The following APPBP2 variants were observed in gnomAD, a reference collection of about 807,000 sequenced individuals.
The protein encoded by APPBP2 is amyloid beta precursor protein binding protein 2, also known as amyloid protein-binding protein 2.
A neutral mutation model predicts 76.0 loss-of-function variants in APPBP2; 15 were observed. The observed-to-expected ratio is 0.20, with a 90% CI of 0.13 to 0.30. APPBP2 has a LOEUF of 0.30. Among genes scored for constraint, APPBP2 ranks in the 10% least tolerant of loss-of-function variants. The probability of loss-of-function intolerance (pLI) is 1.00; values close to 1 mark genes in which losing one functional copy is unlikely to be tolerated. For missense variants in APPBP2, 401 were observed against 687.2 expected (o/e 0.58, Z 4.66); for synonymous variants, 222 against 242.2 (o/e 0.92, Z 0.77).
chr17:60,455,038 A>G (rs764152712), intron 10 of APPBP2, among the ~76,000 whole-genome samples: 1 of 152,228 alleles, frequency 6.6e-6, no homozygotes, highest in South Asian at 2.1e-4. Flanking sequence ...ATATTATTTT[A>G]CCAGATAATT....
At chr17:60,461,701 C>T (rs969520377) in intron 8 of APPBP2, 109 bp downstream of exon 8, 14 of 701,644 alleles carry the variant, frequency 2.0e-5, no homozygotes, top group South Asian at 7.7e-5. Flanking sequence ...TATTGGTGGG[C>T]GGGGTAGTTG....
chr17:60,471,180 T>C (rs895415615), intron 4 of APPBP2, among the ~76,000 whole-genome samples: 2 of 152,176 alleles, frequency 1.3e-5, no homozygotes, highest in African/African-American at 4.8e-5. Context: ...GATTTGCAAA[T>C]ATTTTCTCCC....
At chr17:60,497,012 C>T (rs1369719721) in intron 2 of APPBP2, among the ~76,000 whole-genome samples, 3 of 152,144 alleles carry the variant, frequency 2.0e-5, no homozygotes, top group African/African-American at 4.8e-5. Flanking sequence ...TGAGCCACCA[C>T]GCCCAGCCGA....
In APPBP2 at chr17:60,445,720, G is replaced by A. The variant is rs942598182; in HGVS notation, c.*1861C>T. 6.6e-6 allele frequency: 1 copy of A among 151,756 alleles called. No individual in the cohort carries two copies. The allele number at this position is 151,756 out of a possible 1,614,324, so 9.4% of individuals were successfully genotyped here. ...AGACTGCAATTAACTGAGGGGTGGGGGGCAGCTTCATAAACTGCAAGTACG... is the reference window on the plus strand; with the variant it reads ...AGACTGCAATTAACTGAGGGGTGGGAGGCAGCTTCATAAACTGCAAGTACG... On this transcript the variant is annotated 3_prime_UTR_variant, in exon 13 of 13. Coordinates refer to ENST00000083182, the MANE Select transcript of APPBP2 (RefSeq NM_006380.5).
chr17:60,449,337 A>C (rs1426227094), intron 12 of APPBP2, among the ~76,000 whole-genome samples: 3 of 152,214 alleles, frequency 2.0e-5, no homozygotes, highest in African/African-American at 7.2e-5. Flanking sequence ...CACGCCTGTA[A>C]TCCCAGCACT....
intron 1 of APPBP2, among the ~76,000 whole-genome samples, chr17:60,514,049 A>G (rs533783490): frequency 1.3e-5 from 2 of 151,354 alleles, no homozygotes; most frequent in East Asian, 3.9e-4. Flanking sequence ...TCACACCATT[A>G]TAATCCCAAC....
At chr17:60,466,508 T>A (rs377750361) in intron 4 of APPBP2, 49 bp from the exon 5 acceptor site, 1 of 1,556,830 alleles carries the variant, frequency 6.4e-7, no homozygotes, top group African/African-American at 1.4e-5. Context: ...TTCAGCTTGG[T>A]AGACCTGATG....
intron 4 of APPBP2, 21 bp from the exon 5 acceptor site, chr17:60,466,480 T>TG: frequency 6.2e-7 from 1 of 1,604,174 alleles, no homozygotes; most frequent in Non-Finnish European, 8.5e-7. Flanking sequence ...CCAATAACAT[T>TG]GCTCTATTTT....
chr17:60,487,321 C>T (rs943017173), intron 3 of APPBP2, among the ~76,000 whole-genome samples: 12 of 152,164 alleles, frequency 7.9e-5, no homozygotes, highest in African/African-American at 2.9e-4. Flanking sequence ...CCGTCACTTT[C>T]GGGTACACCA....
intron 1 of APPBP2, among the ~76,000 whole-genome samples, chr17:60,516,036 C>T (rs926359103): frequency 1.2e-4 from 18 of 152,188 alleles, no homozygotes; most frequent in Admixed American, 2.6e-4. Context: ...TGTGGTGGCA[C>T]GCACCTGTAA....
chr17:60,483,188 G>C (rs1030167633), intron 3 of APPBP2, among the ~76,000 whole-genome samples: 1 of 152,170 alleles, frequency 6.6e-6, no homozygotes, highest in Non-Finnish European at 1.5e-5. Context: ...GTGATGATGA[G>C]TATTTTTTCA....
intron 1 of APPBP2, among the ~76,000 whole-genome samples, chr17:60,509,388 A>C (rs1794734532): frequency 6.6e-6 from 1 of 152,118 alleles, no homozygotes; most frequent in South Asian, 2.1e-4. Context: ...CAAAAAAAAA[A>C]AAAACATGTT....
rs943911798 is a variant in APPBP2 at position 60,502,808 on chromosome 17, G to A, written c.139-2321C>T. ...ACAGGTTGCAAGGAGCCAAGATCGC[G>A]CCACTGCACTCCAGCCTGGGTGATG... On this transcript the variant is annotated intron_variant, in intron 1 of 12. Transcript: ENST00000083182. Among the ~76,000 whole-genome samples, 7 of 145,908 alleles carry A rather than the reference G, an allele frequency of 4.8e-5. 1 individual carries two copies. The highest frequency in any genetic ancestry group is 2.0e-4 in the Admixed American group (3 of 15,062).
intron 9 of APPBP2, chr17:60,459,715 C>T (rs1393123377): frequency 6.6e-6 from 1 of 152,306 alleles, no homozygotes; most frequent in African/African-American, 2.4e-5. Flanking sequence ...TTGTCTTGAA[C>T]TCCTGACCTC....
At chr17:60,507,389 T>G (rs1213228827) in intron 1 of APPBP2, among the ~76,000 whole-genome samples, 1 of 152,102 alleles carries the variant, frequency 6.6e-6, no homozygotes, top group African/African-American at 2.4e-5. Flanking sequence ...GCCCGGCTAA[T>G]TTTTATACTT....
chr17:60,467,972 T>C (rs1256305192), intron 4 of APPBP2, among the ~76,000 whole-genome samples: 1 of 152,130 alleles, frequency 6.6e-6, no homozygotes, highest in Non-Finnish European at 1.5e-5. Flanking sequence ...TATAGCACCT[T>C]GCGGGCCGTG....
At chr17:60,485,966 C>T (rs1040988984) in intron 3 of APPBP2, among the ~76,000 whole-genome samples, 10 of 152,180 alleles carry the variant, frequency 6.6e-5, no homozygotes, top group African/African-American at 2.4e-4. Flanking sequence ...ACCCAGTAGT[C>T]ATTCAGGAGC....
At chr17:60,520,541 C>T (rs984455574) in intron 1 of APPBP2, among the ~76,000 whole-genome samples, 1 of 143,808 alleles carries the variant, frequency 7.0e-6, no homozygotes, top group East Asian at 2.0e-4. Context: ...CCTATGCACT[C>T]GAGCCCAGGC....
intron 9 of APPBP2, among the ~76,000 whole-genome samples, chr17:60,457,437 GT>G (rs902013195): frequency 6.8e-6 from 1 of 146,404 alleles, no homozygotes; most frequent in African/African-American, 2.7e-5. Flanking sequence ...TTGTTTGTTT[GT>G]TTTTTTTACA....
Sources: allele counts gnomAD v4.1 joint callset (sites outside exome capture counted in the v4.1 genomes callset), GRCh38; gene constraint gnomAD v4.1.1; transcripts MANE v1.5; gene names NCBI Gene and HGNC (gene_info 2026-07-23, HGNC 2026-07-21).